Variants in XKR9 observed in about 807,000 individuals in gnomAD.
XKR9 encodes XK related 9.
Under a neutral mutation model 32.0 loss-of-function variants are expected in XKR9, and 32 were observed. That is an observed-to-expected ratio of 1.00 (90% confidence interval 0.76 to 1.34). The LOEUF is 1.34. Among genes scored for constraint, XKR9 ranks in the 40% most tolerant of loss-of-function variants. The pLI, the probability that XKR9 is intolerant of heterozygous loss-of-function variation, is 0.00. For missense variants in XKR9, 546 were observed against 429.7 expected (o/e 1.27, Z -2.39); for synonymous variants, 168 against 143.4 (o/e 1.17, Z -1.22).
chr8:70,701,355 T>G (rs1190296770), intron 3 of XKR9, among the ~76,000 whole-genome samples: 1 of 152,144 alleles, frequency 6.6e-6, no homozygotes, highest in African/African-American at 2.4e-5. Context: ...CCTGCCTTGT[T>G]TTTCTTTGTT....
chr8:70,788,401 A>G (rs1003699278), intron 2 of XKR9, among the ~76,000 whole-genome samples: 9 of 152,114 alleles, frequency 5.9e-5, no homozygotes, highest in Non-Finnish European at 1.0e-4. Flanking sequence ...AGTATGTCAT[A>G]CAAGTATGGT....
At chr8:70,691,069 A>G (rs1428828946) in intron 3 of XKR9, among the ~76,000 whole-genome samples, 1 of 152,152 alleles carries the variant, frequency 6.6e-6, no homozygotes, top group Non-Finnish European at 1.5e-5. Flanking sequence ...CCTCGCCAGC[A>G]TCTGTTATTT....
chr8:71,033,035 G>A, the XKR9 span, among the ~76,000 whole-genome samples: 1 of 149,870 alleles, frequency 6.7e-6, no homozygotes, highest in Non-Finnish European at 1.5e-5. Flanking sequence ...AGTGAGCCGA[G>A]ATCGTGCCAT....
At chr8:70,979,784 T>C in the XKR9 span, among the ~76,000 whole-genome samples, 1 of 152,234 alleles carries the variant, frequency 6.6e-6, no homozygotes, top group South Asian at 2.1e-4. Context: ...ACCACTGCTG[T>C]CTTCAGAGCC....
rs149268862 is a variant in XKR9, at chr8:70,718,270, A to G, written c.493+11117A>G. 1.1e-4 allele frequency among the ~76,000 whole-genome samples: 17 copies of G among 151,536 alleles called. No homozygotes were observed. The East Asian group carries it at 3.1e-3, about 28-fold the overall frequency. On this transcript the variant is annotated intron_variant, in intron 4 of 4. Coordinates refer to ENST00000408926, the MANE Select transcript of XKR9 (RefSeq NM_001011720.2). ...TCCACATTTTTGGGTATCTTTGTTT[A>G]TTTATTTTATTAATCTATTTATTTA...
intron 4 of XKR9, among the ~76,000 whole-genome samples, chr8:70,723,927 C>T (rs140552949): frequency 0.01 from 1,528 of 148,904 alleles, 27 homozygotes; most frequent in African/African-American, 0.036. Context: ...GCTCTGTGGC[C>T]CAGGCGGGAG....
chr8:70,733,143 C>G (rs1206388381), intron 4 of XKR9, among the ~76,000 whole-genome samples: 6 of 152,138 alleles, frequency 3.9e-5, no homozygotes, highest in Admixed American at 1.3e-4. Context: ...TGGTAATTAA[C>G]TTACTTTTCT....
At chr8:70,706,282 C>A (rs1472998307) in intron 3 of XKR9, among the ~76,000 whole-genome samples, 2 of 151,956 alleles carry the variant, frequency 1.3e-5, no homozygotes, top group Non-Finnish European at 2.9e-5. Flanking sequence ...CTTTAAAATT[C>A]TTTCAGAAGA....
chr8:71,027,257 C>G, the XKR9 span, among the ~76,000 whole-genome samples: 1 of 151,130 alleles, frequency 6.6e-6, no homozygotes, highest in Non-Finnish European at 1.5e-5. Context: ...TTCTTTATTT[C>G]TATTTGATTC....
intron 4 of XKR9, among the ~76,000 whole-genome samples, chr8:70,714,622 A>T (rs1806029827): frequency 6.6e-6 from 1 of 152,122 alleles, no homozygotes. Context: ...TTATTGTCAA[A>T]TTTTGGAAAA....
At chr8:71,050,258 T>TATATAG in the XKR9 span, among the ~76,000 whole-genome samples, 525 of 106,592 alleles carry the variant, frequency 4.9e-3, 4 homozygotes, top group African/African-American at 0.014. Context: ...TATATATATA[T>TATATAG]ATAGATAGAT....
At chr8:70,758,272 G>T (rs568070601) in intron 2 of XKR9, among the ~76,000 whole-genome samples, 81 of 150,592 alleles carry the variant, frequency 5.4e-4, no homozygotes, top group Non-Finnish European at 9.5e-4. Context: ...GGCAGCACCA[G>T]TAGGTCTCTC....
At chr8:70,903,586 C>T in the XKR9 span, among the ~76,000 whole-genome samples, 3 of 152,040 alleles carry the variant, frequency 2.0e-5, no homozygotes, top group Non-Finnish European at 4.4e-5. Context: ...TTCAAAAAAC[C>T]AGCTCCTGGA....
At chr8:70,919,500 C>T in the XKR9 span, among the ~76,000 whole-genome samples, 1 of 152,068 alleles carries the variant, frequency 6.6e-6, no homozygotes, top group Admixed American at 6.6e-5. Flanking sequence ...GAATGTCAGG[C>T]TTGGGTGAGA....
At chr8:70,816,952 G>A in the XKR9 span, among the ~76,000 whole-genome samples, 1 of 151,966 alleles carries the variant, frequency 6.6e-6, no homozygotes, top group African/African-American at 2.4e-5. Flanking sequence ...CAACCAACTG[G>A]GCATTGAAGG....
chr8:70,842,048 G>A, the XKR9 span, among the ~76,000 whole-genome samples: 3 of 152,034 alleles, frequency 2.0e-5, no homozygotes, highest in Admixed American at 2.0e-4. Context: ...ATTCCATCTA[G>A]TTAGACAAAA....
At chr8:70,723,165 C>T (rs969345190) in intron 4 of XKR9, among the ~76,000 whole-genome samples, 1 of 152,062 alleles carries the variant, frequency 6.6e-6, no homozygotes, top group Non-Finnish European at 1.5e-5. Context: ...TTATGTTCTT[C>T]TCTAAACTGA....
chr8:70,689,665 G>A (rs1175657960), intron 3 of XKR9, among the ~76,000 whole-genome samples: 2 of 151,890 alleles, frequency 1.3e-5, no homozygotes, highest in Non-Finnish European at 1.5e-5. Flanking sequence ...GTAATATACT[G>A]TGCAATGGCA....
chr8:70,830,861 G>T, the XKR9 span, among the ~76,000 whole-genome samples: 6 of 152,116 alleles, frequency 3.9e-5, no homozygotes, highest in African/African-American at 1.4e-4. Flanking sequence ...GCTTTTCTAA[G>T]GTTATACAAC....
Sources: gnomAD v4.1 joint callset for allele counts (sites outside exome capture counted in the v4.1 genomes callset) on GRCh38, gnomAD v4.1.1 for gene constraint, MANE v1.5 for transcripts, NCBI Gene and HGNC (gene_info 2026-07-23, HGNC 2026-07-21) for gene names.